CASQ2: variants seen among roughly 807,000 people sequenced by gnomAD.
CASQ2 encodes calsequestrin-2.
CASQ2 carries 49 observed loss-of-function variants against 46.5 expected under a neutral mutation model. That is an observed-to-expected ratio of 1.05 (90% CI 0.84 to 1.34). The LOEUF (loss-of-function observed/expected upper bound fraction) is 1.34, where lower values mean the gene tolerates loss of function less well. CASQ2 is among the 40% of genes most tolerant of loss of function. The pLI is 0.00. For missense variants in CASQ2, 486 were observed against 481.3 expected, an observed-to-expected ratio of 1.01 and a Z score of -0.09; for synonymous variants, 174 against 168.5, an observed-to-expected ratio of 1.03 and a Z score of -0.25.
At position 115,702,903 on chromosome 1, in the gene CASQ2, T is replaced by C; in HGVS notation, c.1014+18A>G. ...CAGGCCAAGGGTGCCTGAGCAAGCC[T>C]TCACAGGGGATACTCACATCTGTGA... is the stretch of plus-strand genomic sequence containing the variant. On this transcript the variant is annotated intron_variant, in intron 10 of 10. Coordinates refer to ENST00000261448, the MANE Select transcript of CASQ2 (RefSeq NM_001232.4). The C allele has an allele frequency of 6.2e-7, 1 of 1,604,576 alleles. No homozygotes were observed. The highest frequency in any genetic ancestry group is 8.5e-7 in the Non-Finnish European group (1 of 1,172,308).
At chr1:115,701,771 C>T (rs1654212467) in intron 10 of CASQ2, among the ~76,000 whole-genome samples, 2 of 152,142 alleles carry the variant, frequency 1.3e-5, no homozygotes, top group African/African-American at 4.8e-5. Context: ...ATCTACTGTT[C>T]TGTTTTAAAA....
Position 115,700,101 on chromosome 1 carries a change from GCA to G in CASQ2, c.*1138_*1139del, listed in dbSNP as rs1415274706. ...GTATTGCTCTATTTTCAAAAAATTT[GCA>G]CAGTGTCTTACACATGTGCTAAAAG... On this transcript the variant is annotated 3_prime_UTR_variant, in exon 11 of 11. Coordinates refer to ENST00000261448, the MANE Select transcript of CASQ2 (RefSeq NM_001232.4). 3 of 145,074 alleles carry G rather than the reference GCA, an allele frequency of 2.1e-5. No individual in the cohort carries two copies. The highest frequency in any genetic ancestry group is 2.3e-4 in the South Asian group (1 of 4,354). The allele number at this position is 145,074 out of a possible 1,614,324, so 9.0% of individuals were successfully genotyped here.
chr1:115,708,761 A>G (rs969685709), intron 8 of CASQ2, among the ~76,000 whole-genome samples: 1 of 152,196 alleles, frequency 6.6e-6, no homozygotes, highest in Non-Finnish European at 1.5e-5. Context: ...TCCTCTGCTC[A>G]TTTACCACAT....
At chr1:115,705,683 C>T (rs1254646506) in intron 8 of CASQ2, among the ~76,000 whole-genome samples, 1 of 152,180 alleles carries the variant, frequency 6.6e-6, no homozygotes, top group African/African-American at 2.4e-5. Context: ...ATAACATTTG[C>T]TCTAAGGACC....
At chr1:115,761,617 T>G (rs1383972321) in intron 1 of CASQ2, among the ~76,000 whole-genome samples, 3 of 150,210 alleles carry the variant, frequency 2.0e-5, no homozygotes, top group Non-Finnish European at 4.4e-5. Flanking sequence ...TCCGCTAAAG[T>G]TTACTTTTTA....
rs1327405541 is a variant in CASQ2 at position 115,761,394 on chromosome 1, CAAA to C, written c.234+6911_234+6913del. 3.3e-3 allele frequency among the ~76,000 whole-genome samples: 55 copies of C among 16,498 alleles called. 1 individual carries two copies. The highest frequency in any genetic ancestry group is 6.9e-3 in the African/African-American group (44 of 6,338). 10.8% of individuals were successfully genotyped at this position (16,498 alleles called of 152,430 possible). On this transcript the variant is annotated intron_variant, in intron 1 of 10. Coordinates refer to ENST00000261448, the MANE Select transcript of CASQ2 (RefSeq NM_001232.4). ...CCTGGGCAACAGAATAAGACTCAGT[CAAA>C]AAAAAAAGAAGAAGAAGAAGAAGAA... is the stretch of plus-strand genomic sequence containing the variant.
chr1:115,727,924 G>T (rs1647650679), intron 5 of CASQ2, among the ~76,000 whole-genome samples: 1 of 152,246 alleles, frequency 6.6e-6, no homozygotes, highest in South Asian at 2.1e-4. Flanking sequence ...TGTCAAGGCA[G>T]AATGGTTGCT....
chr1:115,726,369 A>G (rs940973872), intron 6 of CASQ2, among the ~76,000 whole-genome samples: 6 of 152,244 alleles, frequency 3.9e-5, no homozygotes, highest in Non-Finnish European at 8.8e-5. Flanking sequence ...ATTTGTTTAT[A>G]CATGATCCAT....
intron 1 of CASQ2, among the ~76,000 whole-genome samples, chr1:115,766,571 C>G (rs1478646561): frequency 6.6e-6 from 1 of 151,912 alleles, no homozygotes; most frequent in Admixed American, 6.6e-5. Flanking sequence ...CGTAATTTGC[C>G]CTGTGTCCTG....
intron 1 of CASQ2, among the ~76,000 whole-genome samples, chr1:115,760,077 A>G (rs1196091181): frequency 1.3e-5 from 2 of 152,162 alleles, no homozygotes; most frequent in African/African-American, 4.8e-5. Flanking sequence ...GAACCCCGGG[A>G]GGCCTGGCTG....
intron 1 of CASQ2, among the ~76,000 whole-genome samples, chr1:115,764,126 A>G (rs1342897630): frequency 6.6e-6 from 1 of 152,250 alleles, no homozygotes; most frequent in Non-Finnish European, 1.5e-5. Context: ...AAATGGCAAA[A>G]GAATTTTATA....
intron 1 of CASQ2, among the ~76,000 whole-genome samples, chr1:115,751,021 T>C (rs565546873): frequency 1.8e-4 from 27 of 147,630 alleles, no homozygotes; most frequent in Middle Eastern, 3.5e-3. Context: ...CAGAGACCCG[T>C]ATTATTGACT....
At chr1:115,743,527 A>C (rs1648268294) in intron 2 of CASQ2, among the ~76,000 whole-genome samples, 1 of 152,146 alleles carries the variant, frequency 6.6e-6, no homozygotes, top group African/African-American at 2.4e-5. Context: ...ATTCTTAATA[A>C]CTCATTATCA....
chr1:115,703,502 T>A (rs1214472258), intron 9 of CASQ2, among the ~76,000 whole-genome samples: 1 of 152,024 alleles, frequency 6.6e-6, no homozygotes, highest in Non-Finnish European at 1.5e-5. Context: ...TTTTTTTTAA[T>A]GGAGATGTCC....
chr1:115,712,391 T>C (rs1654575040), intron 8 of CASQ2, among the ~76,000 whole-genome samples: 3 of 152,138 alleles, frequency 2.0e-5, no homozygotes, highest in South Asian at 2.1e-4. Context: ...GGTGTTGTGA[T>C]GAAGAGAAGC....
intron 1 of CASQ2, 107 bp downstream of exon 1, chr1:115,768,201 A>G: frequency 2.5e-6 from 2 of 797,554 alleles, no homozygotes; most frequent in South Asian, 1.4e-5. Flanking sequence ...AGCAGAGTTC[A>G]GTATATATTC....
intron 2 of CASQ2, among the ~76,000 whole-genome samples, chr1:115,741,219 T>C (rs1230567971): frequency 6.6e-6 from 1 of 152,208 alleles, no homozygotes; most frequent in African/African-American, 2.4e-5. Context: ...ATCCCTTTCA[T>C]TCTCCCTTAG....
chr1:115,759,676 C>A lies in CASQ2; in HGVS notation c.234+8632G>T, dbSNP rs1036511985. 2.9e-4 allele frequency among the ~76,000 whole-genome samples: 44 copies of A among 152,310 alleles called. 1 individual carries two copies. Among genetic ancestry groups the A allele is most frequent in the Admixed American group, 2.8e-3 (43 of 15,310 alleles). On this transcript the variant is annotated intron_variant, in intron 1 of 10. Coordinates refer to ENST00000261448, the MANE Select transcript of CASQ2 (RefSeq NM_001232.4). ...TGAATAAATGAAAGAATTAATATTT[C>A]TATTCAGGTGTTCACTAGACTTAGT...
chr1:115,713,736 G>A (rs556459388), intron 8 of CASQ2, among the ~76,000 whole-genome samples: 2 of 152,260 alleles, frequency 1.3e-5, no homozygotes, highest in South Asian at 2.1e-4. Context: ...CTGCCTGCTC[G>A]TGTCCCCTTC....
Sources: allele counts gnomAD v4.1 joint callset (sites outside exome capture counted in the v4.1 genomes callset), GRCh38; gene constraint gnomAD v4.1.1; transcripts MANE v1.5; gene names NCBI Gene and HGNC (gene_info 2026-07-23, HGNC 2026-07-21).